ZNF343: variants seen among roughly 807,000 people sequenced by gnomAD.
ZNF343 encodes zinc finger protein 343.
ZNF343 carries 11 observed loss-of-function variants against 13.8 expected under a neutral mutation model. The observed-to-expected ratio is 0.80, with a 90% confidence interval of 0.50 to 1.32. ZNF343 has a LOEUF of 1.32. Among genes scored for constraint, ZNF343 ranks in the 40% most tolerant of loss-of-function variants. The pLI, the probability that ZNF343 is intolerant of heterozygous loss-of-function variation, is 0.00. For missense variants in ZNF343, 658 were observed against 714.2 expected (o/e 0.92, Z 0.90); for synonymous variants, 248 against 260.0 (o/e 0.95, Z 0.44).
chr20:2,509,799 G>A (rs2122744293), upstream of ZNF343, among the ~76,000 whole-genome samples: 1 of 152,332 alleles, frequency 6.6e-6, no homozygotes, highest in East Asian at 1.9e-4. Context: ...AAATCTTAAT[G>A]GCAAATACAA....
upstream of ZNF343, among the ~76,000 whole-genome samples, chr20:2,511,449 C>T (rs182859217): frequency 4.1e-4 from 62 of 152,238 alleles, no homozygotes; most frequent in African/African-American, 1.4e-3. Context: ...AAACCATAAA[C>T]ATCAATTCTG....
upstream of ZNF343, among the ~76,000 whole-genome samples, chr20:2,511,454 A>G (rs775706347): frequency 1.3e-5 from 2 of 152,132 alleles, no homozygotes; most frequent in African/African-American, 4.8e-5. Flanking sequence ...ATAAACATCA[A>G]TTCTGTGGGA....
chr20:2,505,691 A>T (rs917478694), intron 1 of ZNF343, among the ~76,000 whole-genome samples: 1 of 152,212 alleles, frequency 6.6e-6, no homozygotes. Flanking sequence ...AGAAATGGGG[A>T]AAGGATTCCC....
At chr20:2,492,345 C>T (rs1041245705) in intron 5 of ZNF343, among the ~76,000 whole-genome samples, 1 of 152,218 alleles carries the variant, frequency 6.6e-6, no homozygotes. Flanking sequence ...AACCTCCTCA[C>T]CACATTATGT....
Position 2,494,057 on chromosome 20 carries a change from G to C in ZNF343, c.-149-13C>G, listed in dbSNP as rs2085417542. 1.6e-6 allele frequency: 1 copy of C among 620,830 alleles called. No individual in the cohort carries two copies. The highest frequency in any genetic ancestry group is 2.7e-5 in the East Asian group (1 of 37,040). 38.5% of individuals were successfully genotyped at this position (620,830 alleles called of 1,614,324 possible). On this transcript the variant is annotated splice_polypyrimidine_tract_variant and intron_variant, in intron 2 of 5. Transcript: ENST00000278772. ...CTGCAGCCAGGACCTGTGGGATGAA[G>C]AAGCAATTTGCTATTGCTGGGGCTT...
intron 1 of ZNF343, among the ~76,000 whole-genome samples, chr20:2,501,104 C>T (rs1010558957): frequency 6.6e-6 from 1 of 152,106 alleles, no homozygotes; most frequent in African/African-American, 2.4e-5. Context: ...TGGGTCACTC[C>T]CACCCTAATA....
chr20:2,524,864 G>A (rs1048734784), upstream of ZNF343, among the ~76,000 whole-genome samples: 1 of 152,310 alleles, frequency 6.6e-6, no homozygotes, highest in African/African-American at 2.4e-5. Flanking sequence ...AAAGTGCTGG[G>A]ATCACAGGCG....
chr20:2,505,250 C>T (rs891468479), intron 1 of ZNF343, among the ~76,000 whole-genome samples: 39 of 152,020 alleles, frequency 2.6e-4, no homozygotes, highest in African/African-American at 8.5e-4. Context: ...TTACAAGGGA[C>T]GTGAAGGACC....
chr20:2,516,899 G>C (rs1479097703), intron 1 of ZNF343, among the ~76,000 whole-genome samples: 1 of 152,114 alleles, frequency 6.6e-6, no homozygotes, highest in African/African-American at 2.4e-5. Context: ...GAAGATGAGA[G>C]TGAGTTGACA....
upstream of ZNF343, among the ~76,000 whole-genome samples, chr20:2,509,395 G>C (rs567122634): frequency 6.6e-6 from 1 of 152,312 alleles, no homozygotes; most frequent in Admixed American, 6.5e-5. Context: ...GCCTCCCAGC[G>C]TCTCAGTTGA....
chr20:2,520,565 T>C (rs966609634), intron 1 of ZNF343, among the ~76,000 whole-genome samples: 2 of 152,254 alleles, frequency 1.3e-5, no homozygotes, highest in Admixed American at 6.5e-5. Context: ...TTCAGAACAA[T>C]GTCTGATTCT....
chr20:2,510,697 T>A (rs1457028423), upstream of ZNF343, among the ~76,000 whole-genome samples: 1 of 152,106 alleles, frequency 6.6e-6, no homozygotes, highest in African/African-American at 2.4e-5. Context: ...ACACCAGGGG[T>A]TGGGTCTAGG....
In ZNF343 at chr20:2,483,837, T is replaced by C. The variant is rs2085228469; in HGVS notation, c.1124A>G (p.His375Arg). ...KSSFIRHQRTHSGEKPYVCLE... is the reference protein window; with the variant it reads ...KSSFIRHQRTRSGEKPYVCLE... ...GCACACATAGGGTTTCTCACCGGAG[T>C]GTGTCCTCTGGTGTCTGATGAAGGA... Residue 375 changes from histidine (H) to arginine (R), a missense_variant, in exon 6 of 6, where the codon CAC becomes CGC. Physicochemically the swap from His to Arg is conservative, Grantham distance 29 (BLOSUM62 0). Coordinates refer to ENST00000278772, the MANE Select transcript of ZNF343 (RefSeq NM_024325.6). 3 of 1,613,948 alleles carry C rather than the reference T, an allele frequency of 1.9e-6. No homozygotes were observed.
Position 2,520,711 on chromosome 20 carries a change from G to A in ZNF343, c.-347+3744C>T, listed in dbSNP as rs1300924821. 2.6e-5 allele frequency among the ~76,000 whole-genome samples: 4 copies of A among 152,138 alleles called. No individual in the cohort carries two copies. In the South Asian group the frequency reaches 6.2e-4, roughly 24 times the overall value. Reference sequence around the variant, plus strand: ...GGTCAGCTCTGGTCCCAGAAACTTGGGCAGGCACCCCCTGTAAAGCACTTG... The same window carrying A: ...GGTCAGCTCTGGTCCCAGAAACTTGAGCAGGCACCCCCTGTAAAGCACTTG... On this transcript the variant is annotated intron_variant, in intron 1 of 6. Transcript: ENST00000358413.
intron 2 of ZNF343, among the ~76,000 whole-genome samples, chr20:2,494,755 G>C (rs2085429872): frequency 7.0e-6 from 1 of 143,178 alleles, no homozygotes; most frequent in Non-Finnish European, 1.5e-5. Flanking sequence ...GACGGCAGGA[G>C]TAAGACCCTG....
chr20:2,513,596 G>C (rs1404561384), upstream of ZNF343, among the ~76,000 whole-genome samples: 1 of 152,140 alleles, frequency 6.6e-6, no homozygotes, highest in Non-Finnish European at 1.5e-5. Context: ...GTTAAACATA[G>C]AATTAGCATT....
chr20:2,505,148 A>C (rs1450064679), intron 1 of ZNF343, among the ~76,000 whole-genome samples: 1 of 149,770 alleles, frequency 6.7e-6, no homozygotes, highest in East Asian at 2.0e-4. Context: ...AAGCATTCTT[A>C]TACACCAATA....
chr20:2,509,468 T>C (rs1352436560), upstream of ZNF343, among the ~76,000 whole-genome samples: 1 of 152,162 alleles, frequency 6.6e-6, no homozygotes, highest in African/African-American at 2.4e-5. Flanking sequence ...CTTGTCGAAG[T>C]CCTCAAAGTT....
upstream of ZNF343, among the ~76,000 whole-genome samples, chr20:2,510,566 G>A (rs2085732862): frequency 6.6e-6 from 1 of 152,300 alleles, no homozygotes; most frequent in African/African-American, 2.4e-5. Flanking sequence ...CAAGGCCGTT[G>A]TGAGCCAGGA....
Sources: gnomAD v4.1 joint callset for allele counts (sites outside exome capture counted in the v4.1 genomes callset) on GRCh38, gnomAD v4.1.1 for gene constraint, MANE v1.5 for transcripts, NCBI Gene and HGNC (gene_info 2026-07-23, HGNC 2026-07-21) for gene names.